FARS2: variants seen among roughly 807,000 people sequenced by gnomAD.
FARS2 encodes the protein phenylalanine--tRNA ligase, mitochondrial.
Under a neutral mutation model 46.4 loss-of-function variants are expected in FARS2, and 40 were observed. The observed-to-expected ratio is 0.86, with a 90% confidence interval of 0.67 to 1.12. The LOEUF (loss-of-function observed/expected upper bound fraction) is 1.12. Ranked by LOEUF, FARS2 falls within the 50% of genes most tolerant of loss-of-function variation. The pLI is 0.00. For synonymous variants in FARS2, 234 were observed against 214.9 expected, an observed-to-expected ratio of 1.09 and a Z score of -0.78; for missense variants, 513 against 567.9, an observed-to-expected ratio of 0.90 and a Z score of 0.98.
intron 6 of FARS2, among the ~76,000 whole-genome samples, chr6:5,687,264 G>C (rs1397379467): frequency 6.6e-6 from 1 of 152,182 alleles, no homozygotes; most frequent in Non-Finnish European, 1.5e-5. Context: ...TAGACACGAA[G>C]TCCTTGCCCA....
intron 6 of FARS2, among the ~76,000 whole-genome samples, chr6:5,632,391 C>T (rs1471636256): frequency 6.6e-6 from 1 of 151,116 alleles, no homozygotes; most frequent in Non-Finnish European, 1.5e-5. Context: ...GTTCTTTTTT[C>T]TTTTTTTTTA....
chr6:5,688,436 T>C (rs927533327), intron 6 of FARS2, among the ~76,000 whole-genome samples: 5 of 152,224 alleles, frequency 3.3e-5, no homozygotes, highest in African/African-American at 1.2e-4. Flanking sequence ...GTCAAAGGCC[T>C]TTTCTGCATC....
At chr6:5,616,704 A>G (rs1019844717) in intron 6 of FARS2, among the ~76,000 whole-genome samples, 3 of 152,140 alleles carry the variant, frequency 2.0e-5, no homozygotes, top group Non-Finnish European at 4.4e-5. Flanking sequence ...AGCAGTTTGG[A>G]TTTTGGATCT....
intron 4 of FARS2, among the ~76,000 whole-genome samples, chr6:5,444,496 G>T (rs2326611): frequency 0.021 from 1,101 of 52,244 alleles, 43 homozygotes; most frequent in African/African-American, 0.096. Context: ...AAAAAAAAGA[G>T]AGAGAGAGAG....
chr6:5,539,524 A>C (rs542357248), intron 4 of FARS2, among the ~76,000 whole-genome samples: 73 of 151,556 alleles, frequency 4.8e-4, no homozygotes, highest in Non-Finnish European at 7.5e-4. Flanking sequence ...GAGCTACCGC[A>C]CTCGGCCAAC....
At chr6:5,725,372 A>G (rs1760184600) in intron 6 of FARS2, among the ~76,000 whole-genome samples, 1 of 152,204 alleles carries the variant, frequency 6.6e-6, no homozygotes, top group African/African-American at 2.4e-5. Context: ...TTTGATGATC[A>G]TCAGGTGAGA....
Position 5,312,871 on chromosome 6 carries a change from C to T in FARS2, c.-22+51211C>T, listed in dbSNP as rs142874418. Among the ~76,000 whole-genome samples the T allele has an allele frequency of 4.2e-3, 644 of 152,266 alleles. 3 individuals are homozygous for T. The highest frequency in any genetic ancestry group is 0.014 in the Middle Eastern group (4 of 294). On this transcript the variant is annotated intron_variant, in intron 1 of 6. Coordinates refer to ENST00000274680, the MANE Select transcript of FARS2 (RefSeq NM_006567.5). ...TGGTGACTTGTGGTGACGGTGGACA[C>T]GTTCCTGCCCCCAAAGAATCTGGGG...
At chr6:5,723,544 C>T (rs991337324) in intron 6 of FARS2, among the ~76,000 whole-genome samples, 1 of 152,194 alleles carries the variant, frequency 6.6e-6, no homozygotes, top group African/African-American at 2.4e-5. Flanking sequence ...ACCGCTGTCA[C>T]AAGCCTCTCA....
chr6:5,756,012 T>A (rs1168907314), intron 6 of FARS2, among the ~76,000 whole-genome samples: 1 of 152,216 alleles, frequency 6.6e-6, no homozygotes, highest in Non-Finnish European at 1.5e-5. Context: ...TTTTGTTTTG[T>A]TTTGTTTTCC....
intron 4 of FARS2, among the ~76,000 whole-genome samples, chr6:5,454,955 T>A (rs1452355884): frequency 1.3e-5 from 2 of 152,220 alleles, no homozygotes; most frequent in Admixed American, 6.5e-5. Context: ...ACCACTGTAG[T>A]AAACCAATTG....
the FARS2 span, among the ~76,000 whole-genome samples, chr6:5,249,977 T>G: frequency 6.6e-6 from 1 of 152,216 alleles, no homozygotes; most frequent in Non-Finnish European, 1.5e-5. Flanking sequence ...AGGTTCATTA[T>G]AGCCATTTCA....
chr6:5,713,644 A>G (rs1216031862), intron 6 of FARS2, among the ~76,000 whole-genome samples: 3 of 152,278 alleles, frequency 2.0e-5, no homozygotes, highest in Admixed American at 6.5e-5. Flanking sequence ...TGGTGTGTCC[A>G]TGGGCAGGTC....
At chr6:5,530,432 A>G (rs953051620) in intron 4 of FARS2, among the ~76,000 whole-genome samples, 3 of 152,156 alleles carry the variant, frequency 2.0e-5, no homozygotes, top group Admixed American at 6.5e-5. Context: ...AAAAAATGCT[A>G]CAAGGACATG....
At chr6:5,588,415 A>G (rs1288098827) in intron 5 of FARS2, among the ~76,000 whole-genome samples, 1 of 152,138 alleles carries the variant, frequency 6.6e-6, no homozygotes, top group African/African-American at 2.4e-5. Flanking sequence ...TCTGTAGACA[A>G]ATTGTTCAGA....
chr6:5,616,778 T>G (rs1248286761), intron 6 of FARS2, among the ~76,000 whole-genome samples: 1 of 152,178 alleles, frequency 6.6e-6, no homozygotes, highest in Non-Finnish European at 1.5e-5. Context: ...TCATTCTTAA[T>G]TTTTGAGGTC....
intron 6 of FARS2, among the ~76,000 whole-genome samples, chr6:5,734,500 G>C (rs966451609): frequency 4.6e-5 from 7 of 152,180 alleles, no homozygotes; most frequent in African/African-American, 1.7e-4. Flanking sequence ...CTCTCTATTT[G>C]AGAGCCAGCT....
intron 4 of FARS2, chr6:5,466,976 T>G (rs1274874926): frequency 1.0e-6 from 1 of 985,304 alleles, no homozygotes; most frequent in African/African-American, 1.7e-5. Context: ...GAGGCACATA[T>G]TCTTCAGTTC....
intron 4 of FARS2, among the ~76,000 whole-genome samples, chr6:5,510,767 C>A (rs1004448419): frequency 1.3e-5 from 2 of 152,140 alleles, no homozygotes; most frequent in South Asian, 2.1e-4. Flanking sequence ...CACCCACCCC[C>A]CTCTTGTCCT....
intron 4 of FARS2, among the ~76,000 whole-genome samples, chr6:5,535,353 T>C (rs1770128844): frequency 1.3e-5 from 2 of 152,268 alleles, no homozygotes; most frequent in African/African-American, 4.8e-5. Context: ...GTGTCGATTT[T>C]GTATCATGCA....
Sources: gnomAD v4.1 joint callset for allele counts (sites outside exome capture counted in the v4.1 genomes callset) on GRCh38, gnomAD v4.1.1 for gene constraint, MANE v1.5 for transcripts, NCBI Gene and HGNC (gene_info 2026-07-23, HGNC 2026-07-21) for gene names.